MTUS2: variants seen among roughly 807,000 people sequenced by gnomAD.
MTUS2 encodes the protein microtubule associated scaffold protein 2, also known as microtubule-associated tumor suppressor candidate 2.
A neutral mutation model predicts 114.1 loss-of-function variants in MTUS2; 40 were observed. The observed-to-expected ratio is 0.35, with a 90% CI of 0.27 to 0.46. The LOEUF (loss-of-function observed/expected upper bound fraction) is 0.46. Ranked by LOEUF, MTUS2 falls within the 20% of genes least tolerant of loss-of-function variation. The pLI, the probability that MTUS2 is intolerant of heterozygous loss-of-function variation, is 1.00. For missense variants in MTUS2, 1,679 were observed against 1,705.4 expected, an observed-to-expected ratio of 0.98 and a Z score of 0.27; for synonymous variants, 688 against 672.0, an observed-to-expected ratio of 1.02 and a Z score of -0.37.
At chr13:28,849,628 A>G (rs1876116246) in intron 2 of MTUS2, among the ~76,000 whole-genome samples, 2 of 152,146 alleles carry the variant, frequency 1.3e-5, no homozygotes, top group African/African-American at 2.4e-5. Flanking sequence ...GCACTGCCCC[A>G]TGGACGCCAT....
At chr13:29,291,862 C>T (rs1009732649) in intron 6 of MTUS2, among the ~76,000 whole-genome samples, 9 of 152,182 alleles carry the variant, frequency 5.9e-5, no homozygotes, top group Non-Finnish European at 1.5e-5. Flanking sequence ...TTAAATGTAA[C>T]CAGGACTTTC....
At chr13:29,232,183 C>T (rs981266957) in intron 5 of MTUS2, among the ~76,000 whole-genome samples, 3 of 152,038 alleles carry the variant, frequency 2.0e-5, no homozygotes, top group African/African-American at 7.3e-5. Flanking sequence ...GCCAGAAATT[C>T]AGATTTTTGT....
At chr13:29,340,297 A>C (rs886871150) in intron 7 of MTUS2, among the ~76,000 whole-genome samples, 15 of 152,208 alleles carry the variant, frequency 9.9e-5, no homozygotes, top group African/African-American at 2.7e-4. Flanking sequence ...CCTGACCTTT[A>C]AAGGTAGAAG....
chr13:29,280,746 A>G (rs1322700552), intron 5 of MTUS2, among the ~76,000 whole-genome samples: 3 of 152,222 alleles, frequency 2.0e-5, no homozygotes, highest in Non-Finnish European at 2.9e-5. Flanking sequence ...AACAAGTGGT[A>G]ATCTCCGTGC....
intron 5 of MTUS2, among the ~76,000 whole-genome samples, chr13:29,155,749 CTA>C (rs1389306032): frequency 1.3e-5 from 2 of 152,000 alleles, no homozygotes; most frequent in African/African-American, 4.8e-5. Context: ...TTATATTACA[CTA>C]TGATTACAGT....
intron 5 of MTUS2, among the ~76,000 whole-genome samples, chr13:29,244,471 GA>G (rs1164679985): frequency 6.6e-6 from 1 of 152,114 alleles, no homozygotes; most frequent in Non-Finnish European, 1.5e-5. Flanking sequence ...GGCTGATTAG[GA>G]GGAAATGAAG....
chr13:29,230,767 A>G (rs892069837), intron 5 of MTUS2, among the ~76,000 whole-genome samples: 19 of 152,180 alleles, frequency 1.2e-4, no homozygotes, highest in African/African-American at 4.3e-4. Context: ...CTGGAGACTG[A>G]TTTCAGTATA....
At chr13:28,848,140 A>G (rs2453704) in intron 2 of MTUS2, among the ~76,000 whole-genome samples, 116,643 of 152,210 alleles carry the variant, frequency 0.77, 45,427 homozygotes, top group Non-Finnish European at 0.82. Context: ...CTTTGTGATA[A>G]TCACTGTGCC....
At chr13:28,946,813 C>T (rs1566243490) in intron 2 of MTUS2, among the ~76,000 whole-genome samples, 1 of 152,072 alleles carries the variant, frequency 6.6e-6, no homozygotes, top group African/African-American at 2.4e-5. Context: ...GCCCCCCAAA[C>T]TGCTTGGATT....
chr13:29,145,381 A>G (rs1232877837), intron 5 of MTUS2, among the ~76,000 whole-genome samples: 2 of 152,040 alleles, frequency 1.3e-5, no homozygotes, highest in African/African-American at 4.8e-5. Flanking sequence ...TGAGCCGGGC[A>G]TGTTGGTGGG....
At chr13:29,285,648 G>A (rs1395102655) in intron 6 of MTUS2, among the ~76,000 whole-genome samples, 2 of 152,170 alleles carry the variant, frequency 1.3e-5, no homozygotes, top group African/African-American at 4.8e-5. Context: ...TAGACTCTGG[G>A]AAGCTCTATG....
intron 5 of MTUS2, among the ~76,000 whole-genome samples, chr13:29,275,949 A>C (rs4633555): frequency 0.2 from 30,082 of 152,140 alleles, 3,314 homozygotes; most frequent in East Asian, 0.34. Context: ...TCTAAGAAAC[A>C]ATTGCCTAAT....
chr13:28,961,563 A>G (rs1383768560), intron 2 of MTUS2, among the ~76,000 whole-genome samples: 1 of 152,158 alleles, frequency 6.6e-6, no homozygotes, highest in Non-Finnish European at 1.5e-5. Context: ...TTAAATGATA[A>G]AACCTCTGAT....
chr13:29,281,698 C>G lies in MTUS2; in HGVS notation c.2645-6C>G. 1 of 1,600,402 alleles carries G rather than the reference C, an allele frequency of 6.2e-7. No homozygotes were observed. The highest frequency in any genetic ancestry group is 1.3e-5 in the African/African-American group (1 of 74,690). On this transcript the variant is annotated splice_polypyrimidine_tract_variant and splice_region_variant and intron_variant, in intron 5 of 15. Transcript: ENST00000612955. ...TTATAATTAACACGCTGTCTGCCTC[C>G]CACAGGTTCAACCTTTGGGAATGAA...
intron 6 of MTUS2, among the ~76,000 whole-genome samples, chr13:29,297,826 CA>C (rs1294424240): frequency 6.6e-6 from 1 of 152,064 alleles, no homozygotes. Flanking sequence ...AGTGTGATAA[CA>C]ATGGAAAGTG....
chr13:28,944,069 A>T (rs1194811187), intron 2 of MTUS2, among the ~76,000 whole-genome samples: 1 of 152,108 alleles, frequency 6.6e-6, no homozygotes, highest in East Asian at 1.9e-4. Context: ...TAAGCATAGA[A>T]GATGTTACTT....
chr13:28,927,272 C>CA (rs1490697844), intron 2 of MTUS2, among the ~76,000 whole-genome samples: 1 of 151,976 alleles, frequency 6.6e-6, no homozygotes, highest in Non-Finnish European at 1.5e-5. Flanking sequence ...AAGAAAGATA[C>CA]AAAAAATAGC....
chr13:28,943,041 TA>T (rs1167780444), intron 2 of MTUS2, among the ~76,000 whole-genome samples: 1 of 152,180 alleles, frequency 6.6e-6, no homozygotes, highest in Non-Finnish European at 1.5e-5. Flanking sequence ...AAAACATAGT[TA>T]AAAGAACACA....
intron 5 of MTUS2, among the ~76,000 whole-genome samples, chr13:29,179,519 C>G (rs146445490): frequency 2.4e-3 from 368 of 152,254 alleles, no homozygotes; most frequent in African/African-American, 8.4e-3. Context: ...GGATGGATGA[C>G]TGAGGAGGTG....
Sources: allele counts gnomAD v4.1 joint callset (sites outside exome capture counted in the v4.1 genomes callset), GRCh38; gene constraint gnomAD v4.1.1; transcripts MANE v1.5; gene names NCBI Gene and HGNC (gene_info 2026-07-23, HGNC 2026-07-21).